The following ZEB2 variants were observed in gnomAD, a reference collection of about 807,000 sequenced individuals.
The protein encoded by ZEB2 is zinc finger E-box-binding homeobox 2.
In ZEB2, 6 loss-of-function variants were observed where a neutral mutation model predicts 99.9. The observed-to-expected ratio is 0.06, with a 90% CI of 0.03 to 0.12. ZEB2 has a LOEUF of 0.12. ZEB2 is among the 10% of genes least tolerant of loss of function. The probability of loss-of-function intolerance (pLI) is 1.00; values close to 1 mark genes in which losing one functional copy is unlikely to be tolerated. For synonymous variants in ZEB2, 517 were observed against 542.5 expected (o/e 0.95, Z 0.65); for missense variants, 969 against 1,502.8 (o/e 0.64, Z 5.87).
At position 144,401,348 on chromosome 2, in the gene ZEB2, G is replaced by T. The variant is rs373476962; in HGVS notation, c.808-41C>A. On this transcript the variant is annotated intron_variant, in intron 6 of 9. Coordinates refer to ENST00000627532, the MANE Select transcript of ZEB2 (RefSeq NM_014795.4). ...GACTGACATCAGTTTTGTGCAGGAG[G>T]AACAAAGAAAATTTGTTACAAATAT... The T allele has an allele frequency of 6.9e-6, 11 of 1,597,286 alleles. No homozygotes were observed. The African/African-American group carries it at 1.3e-4, about 19-fold the overall frequency.
chr2:144,455,757 TTC>T (rs542399130), intron 2 of ZEB2, among the ~76,000 whole-genome samples: 27 of 151,932 alleles, frequency 1.8e-4, no homozygotes, highest in Non-Finnish European at 3.2e-4. Context: ...CTCTCTCTCT[TTC>T]TCTTTCTCTC....
At chr2:144,415,421 C>T (rs1317271700) in intron 4 of ZEB2, among the ~76,000 whole-genome samples, 8 of 152,132 alleles carry the variant, frequency 5.3e-5, no homozygotes, top group South Asian at 2.1e-4. Flanking sequence ...ACTTTATTCC[C>T]GGTTCATTTT....
chr2:144,466,729 C>T (rs1458778426), intron 2 of ZEB2, among the ~76,000 whole-genome samples: 1 of 152,166 alleles, frequency 6.6e-6, no homozygotes, highest in Non-Finnish European at 1.5e-5. Flanking sequence ...CAGGGCAGTG[C>T]TGAAGGTAGG....
intron 1 of ZEB2, chr2:144,517,692 G>A (rs1301719809): frequency 2.8e-6 from 2 of 702,712 alleles, no homozygotes; most frequent in Non-Finnish European, 5.2e-6. Context: ...CTGACCGTAT[G>A]AGGGAATGCA....
At chr2:144,401,870 T>A (rs1354190211) in intron 6 of ZEB2, among the ~76,000 whole-genome samples, 1 of 152,198 alleles carries the variant, frequency 6.6e-6, no homozygotes, top group African/African-American at 2.4e-5. Flanking sequence ...ACTATAAATA[T>A]TTCATTACAT....
chr2:144,411,074 T>C (rs1703455017), intron 4 of ZEB2, among the ~76,000 whole-genome samples: 1 of 106,678 alleles, frequency 9.4e-6, no homozygotes, highest in Middle Eastern at 4.6e-3. Flanking sequence ...TATATATATA[T>C]ATATATATAT....
intron 2 of ZEB2, among the ~76,000 whole-genome samples, chr2:144,480,022 AATCAT>A (rs553931981): frequency 1.1e-3 from 169 of 152,312 alleles, no homozygotes; most frequent in African/African-American, 4.0e-3. Context: ...GCAAAGCACA[AATCAT>A]ATCATGTCAG....
At chr2:144,471,230 C>T (rs895812004) in intron 2 of ZEB2, among the ~76,000 whole-genome samples, 3 of 152,026 alleles carry the variant, frequency 2.0e-5, no homozygotes, top group African/African-American at 4.8e-5. Context: ...TTCTACAAAC[C>T]CCCAGAGTAA....
chr2:144,504,242 G>T (rs919790536), intron 2 of ZEB2: 1 of 152,152 alleles, frequency 6.6e-6, no homozygotes, highest in African/African-American at 2.4e-5. Flanking sequence ...CATCCAATCA[G>T]ATTAAGTGAG....
At chr2:144,454,052 T>C (rs1430591809) in intron 2 of ZEB2, among the ~76,000 whole-genome samples, 1 of 152,224 alleles carries the variant, frequency 6.6e-6, no homozygotes, top group East Asian at 1.9e-4. Context: ...CTTCGTCAAT[T>C]ACCACAAATC....
At chr2:144,493,451 T>G (rs1339660235) in intron 2 of ZEB2, among the ~76,000 whole-genome samples, 1 of 152,206 alleles carries the variant, frequency 6.6e-6, no homozygotes, top group African/African-American at 2.4e-5. Flanking sequence ...CAGGGGCACA[T>G]GGCATGGAGA....
intron 2 of ZEB2, chr2:144,507,565 T>TCCC (rs1348789311): frequency 1.3e-5 from 2 of 151,954 alleles, no homozygotes; most frequent in African/African-American, 2.4e-5. Flanking sequence ...AAACGTTTGC[T>TCCC]CCCCTTACAC....
At position 144,404,026 on chromosome 2, in the gene ZEB2, G is replaced by A. The variant is rs1303138587; in HGVS notation, c.697C>T (p.Arg233Cys). 3.7e-6 allele frequency: 6 copies of A among 1,614,074 alleles called. No homozygotes were observed. The highest frequency in any genetic ancestry group is 2.5e-6 in the Non-Finnish European group (3 of 1,180,026). Residue 233 changes from arginine (R) to cysteine (C), a missense_variant, in exon 6 of 10, where the codon CGC becomes TGC. Arg to Cys is a radical substitution (Grantham distance 180, BLOSUM62 -3). Around this residue, in one of 8 missense-constraint regions of ZEB2, gnomAD observed 65 missense variants for 147.7 expected, o/e 0.44. Coordinates refer to ENST00000627532, the MANE Select transcript of ZEB2 (RefSeq NM_014795.4). ...LTSLKEHIKY[R>C]HEKNEENFSC... ...AAGTTCTCTTCATTCTTCTCGTGGCGGTACTTGATGTGCTCCTTCAGTGAT... is the reference window on the plus strand; with the variant it reads ...AAGTTCTCTTCATTCTTCTCGTGGCAGTACTTGATGTGCTCCTTCAGTGAT...
intron 2 of ZEB2, among the ~76,000 whole-genome samples, chr2:144,452,673 G>A (rs1013858171): frequency 6.6e-6 from 1 of 152,054 alleles, no homozygotes; most frequent in Non-Finnish European, 1.5e-5. Context: ...CTGCAGTTCC[G>A]TCGCCAACCT....
intron 2 of ZEB2, among the ~76,000 whole-genome samples, chr2:144,439,133 GA>G (rs1174940162): frequency 0.13 from 10,139 of 79,706 alleles, 373 homozygotes; most frequent in Middle Eastern, 0.2. Flanking sequence ...CTGGGAGGAA[GA>G]AAAAAAAAAA....
chr2:144,445,654 C>T (rs1407851081), intron 2 of ZEB2, among the ~76,000 whole-genome samples: 4 of 151,518 alleles, frequency 2.6e-5, no homozygotes, highest in Non-Finnish European at 5.9e-5. Context: ...CAACCCCTAA[C>T]TGAGACGCAA....
intron 2 of ZEB2, chr2:144,448,966 G>A (rs1201735594): frequency 1.3e-5 from 2 of 152,162 alleles, no homozygotes; most frequent in African/African-American, 2.4e-5. Context: ...CACTTATGTC[G>A]TACTTAGGTA....
intron 2 of ZEB2, among the ~76,000 whole-genome samples, chr2:144,482,843 C>T (rs565513118): frequency 4.9e-4 from 74 of 151,996 alleles, no homozygotes; most frequent in Non-Finnish European, 5.7e-4. Context: ...CCTCTACCTG[C>T]CTGTTTTATG....
chr2:144,395,897 C>G (rs1379354006), intron 9 of ZEB2, among the ~76,000 whole-genome samples: 1 of 151,824 alleles, frequency 6.6e-6, no homozygotes, highest in East Asian at 1.9e-4. Flanking sequence ...CTCATCTGAT[C>G]TATTACTTTT....
Sources: gnomAD v4.1 joint callset for allele counts (sites outside exome capture counted in the v4.1 genomes callset) on GRCh38, gnomAD v4.1.1 for gene constraint, gnomAD v4.1.1 regional missense constraint, MANE v1.5 for transcripts, NCBI Gene and HGNC (gene_info 2026-07-23, HGNC 2026-07-21) for gene names.